POLE: variants seen among roughly 807,000 people sequenced by gnomAD.
POLE encodes DNA polymerase epsilon catalytic subunit A.
POLE carries 188 observed loss-of-function variants against 279.2 expected under a neutral mutation model. The observed-to-expected ratio is 0.67, with a 90% confidence interval of 0.60 to 0.76. POLE has a LOEUF of 0.76. POLE is among the 30% of genes least tolerant of loss of function. The pLI, the probability that POLE is intolerant of heterozygous loss-of-function variation, is 0.00. For synonymous variants in POLE, 1,214 were observed against 1,172.5 expected (o/e 1.04, Z -0.72); for missense variants, 2,703 against 3,016.7 (o/e 0.90, Z 2.44).
chr12:132,667,451 C>A (rs944911277), intron 20 of POLE, 52 bp downstream of exon 20: 4 of 1,594,298 alleles, frequency 2.5e-6, no homozygotes, highest in Non-Finnish European at 3.4e-6. Context: ...CTTCATGAGC[C>A]GACTGAAACT....
intron 39 of POLE, chr12:132,641,039 G>T (rs1360047111): frequency 2.2e-6 from 1 of 456,718 alleles, no homozygotes. Flanking sequence ...TTTGTGGTAT[G>T]ACCACAAAGG....
chr12:132,653,962 T>G (rs760714472), intron 29 of POLE, among the ~76,000 whole-genome samples: 1 of 152,220 alleles, frequency 6.6e-6, no homozygotes, highest in Admixed American at 6.5e-5. Context: ...AGTGGATTTC[T>G]CCCAAGAAAA....
intron 5 of POLE, 26 bp downstream of exon 5, chr12:132,679,928 C>T (rs2136028638): frequency 1.3e-6 from 2 of 1,526,456 alleles, no homozygotes; most frequent in Non-Finnish European, 1.8e-6. Context: ...CCTCATTTAC[C>T]CCTGGAAAGT....
rs2136000792 is a variant in POLE at position 132,673,695 on chromosome 12, C to A, written c.1239G>T (p.Arg413Ser). ...IHMDCLRWVK[R>S]DSYLPVGSHN... is the part of the protein sequence containing the mutation. The stretch of plus-strand genomic sequence containing the variant: ...GACTGCCCACAGGAAGGTAACTGTC[C>A]CTCTTCACCCACCTGGAAGGAGAAT... Residue 413 changes from arginine (R) to serine (S), a missense_variant, in exon 13 of 49, where the codon AGG (arginine) becomes AGT (serine). Arg to Ser is a moderately radical substitution (Grantham distance 110, BLOSUM62 -1). This residue lies in a region of POLE where 1,011 missense variants were observed against 1,111.7 expected (regional missense o/e 0.91). Coordinates refer to ENST00000320574, the MANE Select transcript of POLE (RefSeq NM_006231.4). 6.2e-7 allele frequency: 1 copy of A among 1,613,838 alleles called. No homozygotes were observed. Among genetic ancestry groups the A allele is most frequent in the Non-Finnish European group, 8.5e-7 (1 of 1,179,976 alleles).
chr12:132,649,967 T>C lies in POLE; in HGVS notation c.3583-78A>G, dbSNP rs929993064. Reference sequence around the variant, plus strand: ...GGCTCATGCCTGGAATGCCAGCACTTTGGGAGGCCAAGACAGGAGAATTGC... The same window carrying C: ...GGCTCATGCCTGGAATGCCAGCACTCTGGGAGGCCAAGACAGGAGAATTGC... On this transcript the variant is annotated intron_variant, in intron 29 of 48. Coordinates refer to ENST00000320574, the MANE Select transcript of POLE (RefSeq NM_006231.4). The C allele has an allele frequency of 3.1e-6, 4 of 1,305,744 alleles. No individual in the cohort carries two copies. In the East Asian group the frequency reaches 7.0e-5, roughly 23 times the overall value. 80.9% of individuals were successfully genotyped at this position (1,305,744 alleles called of 1,614,324 possible). A position where few individuals can be genotyped will look rare whatever the true frequency, so the allele number is the denominator to read the frequency against.
At position 132,673,726 on chromosome 12, in the gene POLE, C is replaced by T. The variant is rs2136001168; in HGVS notation, c.1227-19G>A. On this transcript the variant is annotated intron_variant, in intron 12 of 48. Coordinates refer to ENST00000320574, the MANE Select transcript of POLE (RefSeq NM_006231.4). The stretch of plus-strand genomic sequence containing the variant: ...CACCCACCTGGAAGGAGAATGAGAA[C>T]AGAAGCCAGGATGATTCTAACATGC... 1 of 1,612,630 alleles carries T rather than the reference C, an allele frequency of 6.2e-7. No homozygotes were observed. The highest frequency in any genetic ancestry group is 8.5e-7 in the Non-Finnish European group (1 of 1,179,920).
chr12:132,647,818 C>T (rs2042321113), intron 32 of POLE, among the ~76,000 whole-genome samples: 1 of 152,154 alleles, frequency 6.6e-6, no homozygotes, highest in African/African-American at 2.4e-5. Context: ...GGTCTCGATG[C>T]CTCTGCGTCC....
chr12:132,632,944 A>T, intron 43 of POLE, 149 bp from the exon 44 acceptor site: 2 of 807,860 alleles, frequency 2.5e-6, no homozygotes, highest in East Asian at 2.6e-5. Flanking sequence ...TAGATGAGCT[A>T]AAAGTAAATT....
At chr12:132,683,140 A>G (rs1309483126) in intron 1 of POLE, among the ~76,000 whole-genome samples, 1 of 152,070 alleles carries the variant, frequency 6.6e-6, no homozygotes, top group Non-Finnish European at 1.5e-5. Context: ...CCCCCCATGA[A>G]AGACCCACAT....
chr12:132,673,731 G>A (rs1458454478), intron 12 of POLE, 24 bp from the exon 13 acceptor site: 2 of 1,611,986 alleles, frequency 1.2e-6, no homozygotes, highest in Admixed American at 1.7e-5. Context: ...GAGAACAGAA[G>A]CCAGGATGAT....
rs764448704 is a variant in POLE, at chr12:132,668,799, G to C, written c.1923+12C>G. On this transcript the variant is annotated intron_variant, in intron 17 of 48. Transcript: ENST00000320574. This position sits in a 1 kb window ranked among gnomAD's most constrained non-coding sequence, Gnocchi z 4.0. ...GAGAGCTCCGACTCTGACACGGGAA[G>C]TAAAGTCTCACCTGCAGGCGGTTGG... 6.2e-7 allele frequency: 1 copy of C among 1,614,038 alleles called. No homozygotes were observed.
chr12:132,683,250 C>T (rs528726011), intron 1 of POLE, among the ~76,000 whole-genome samples: 4 of 151,982 alleles, frequency 2.6e-5, no homozygotes, highest in South Asian at 4.2e-4. Flanking sequence ...GCTGGGTGGG[C>T]GCAGTGTAAT....
intron 1 of POLE, among the ~76,000 whole-genome samples, chr12:132,682,577 C>G (rs2043192977): frequency 6.6e-6 from 1 of 152,138 alleles, no homozygotes; most frequent in African/African-American, 2.4e-5. Flanking sequence ...TCTACTTACA[C>G]AAGATGTTAT....
rs1430980714 is a variant in POLE at position 132,626,070 on chromosome 12, C to T, written c.6531+47G>A. Reference sequence around the variant, plus strand: ...AGCCCTCAAGACACCGCAGTGCCCTCGGATGTTCTGCTCCACAGTGAAGGG... The same window carrying T: ...AGCCCTCAAGACACCGCAGTGCCCTTGGATGTTCTGCTCCACAGTGAAGGG... On this transcript the variant is annotated intron_variant, in intron 46 of 48. Transcript: ENST00000320574. 10 of 1,533,394 alleles carry T rather than the reference C, an allele frequency of 6.5e-6. No homozygotes were observed. Among genetic ancestry groups the T allele is most frequent in the East Asian group, 2.4e-5 (1 of 41,272 alleles). 95.0% of individuals were successfully genotyped at this position (1,533,394 alleles called of 1,614,324 possible).
intron 16 of POLE, among the ~76,000 whole-genome samples, chr12:132,669,363 C>T (rs1361233487): frequency 6.6e-6 from 1 of 151,822 alleles, no homozygotes; most frequent in Non-Finnish European, 1.5e-5. Context: ...ACTCGGAACG[C>T]TGGGGTGGAA....
chr12:132,654,616 C>A (rs2042493806), intron 29 of POLE, among the ~76,000 whole-genome samples: 1 of 151,896 alleles, frequency 6.6e-6, no homozygotes, highest in African/African-American at 2.4e-5. Flanking sequence ...CATGACAAAA[C>A]CTTGTCTCTA....
intron 29 of POLE, among the ~76,000 whole-genome samples, chr12:132,652,669 T>C (rs1386335598): frequency 2.0e-5 from 3 of 152,150 alleles, no homozygotes; most frequent in African/African-American, 7.2e-5. Flanking sequence ...TCTCCAAATA[T>C]GAAAAACCAT....
At chr12:132,640,590 C>A (rs2042121248) in intron 39 of POLE, among the ~76,000 whole-genome samples, 1 of 152,260 alleles carries the variant, frequency 6.6e-6, no homozygotes, top group East Asian at 1.9e-4. Flanking sequence ...GAGATGCCAG[C>A]TGCTCTGGTA....
rs747831153 is a variant in POLE at position 132,687,279 on chromosome 12, G to A, written c.37C>T (p.Pro13Ser). The change falls in exon 1 of 49, where the codon CCA (proline) becomes TCA (serine). Residue 13 changes from proline to serine, a missense_variant. Around this residue, in one of 5 missense-constraint regions of POLE, gnomAD observed 1,011 missense variants for 1,111.7 expected, o/e 0.91. Transcript: ENST00000320574. Reference sequence around the variant, plus strand: ...CTGCTGGCCTCGCCATCCGCGCCTGGGTCCGCGCGCCGCCGCCCGCCGCTC... The same window carrying A: ...CTGCTGGCCTCGCCATCCGCGCCTGAGTCCGCGCGCCGCCGCCCGCCGCTC... ...LRSGGRRRADPGADGEASRDD... is the reference protein window; with the variant it reads ...LRSGGRRRADSGADGEASRDD... The A allele has an allele frequency of 1.2e-5, 18 of 1,503,174 alleles. No individual in the cohort carries two copies. Among genetic ancestry groups the A allele is most frequent in the South Asian group, 7.4e-5 (6 of 80,600 alleles). 93.1% of individuals were successfully genotyped at this position (1,503,174 alleles called of 1,614,324 possible).
Sources: allele counts gnomAD v4.1 joint callset (sites outside exome capture counted in the v4.1 genomes callset), GRCh38; gene constraint gnomAD v4.1.1; regional missense constraint gnomAD v4.1.1; non-coding constraint Gnocchi (gnomAD v3.1); transcripts MANE v1.5; gene names NCBI Gene and HGNC (gene_info 2026-07-23, HGNC 2026-07-21).